MIB1: variants seen among roughly 807,000 people sequenced by gnomAD.
The protein encoded by MIB1 is MIB E3 ubiquitin protein ligase 1.
Under a neutral mutation model 124.5 loss-of-function variants are expected in MIB1, and 278 were observed. The ratio of observed to expected loss-of-function variants is 2.23; its 90% CI spans 2.02 to 2.47. The LOEUF is 2.47. Ranked by LOEUF, MIB1 falls within the 30% of genes most tolerant of loss-of-function variation. The probability of loss-of-function intolerance (pLI) is 0.00; values close to 1 mark genes in which losing one functional copy is unlikely to be tolerated. For missense variants in MIB1, 957 were observed against 1,254.4 expected (o/e 0.76, Z 3.58); for synonymous variants, 446 against 429.4 (o/e 1.04, Z -0.48).
chr18:21,821,857 T>A (rs2041882161), intron 12 of MIB1, among the ~76,000 whole-genome samples: 1 of 152,192 alleles, frequency 6.6e-6, no homozygotes, highest in African/African-American at 2.4e-5. Context: ...TGTCTCGGCC[T>A]CCCAAAGTGC....
intron 18 of MIB1, among the ~76,000 whole-genome samples, chr18:21,855,956 C>T (rs969320886): frequency 1.8e-4 from 27 of 152,150 alleles, no homozygotes; most frequent in Admixed American, 1.6e-3. Context: ...CAGGGCCGGG[C>T]GCGGTGGCTC....
At chr18:21,768,787 G>C in intron 3 of MIB1, 35 bp downstream of exon 3, 1 of 1,575,150 alleles carries the variant, frequency 6.3e-7, no homozygotes, top group Non-Finnish European at 8.6e-7. Flanking sequence ...ATGTATTCTA[G>C]AGTATTATAT....
At chr18:21,797,611 G>A (rs1270050466) in intron 7 of MIB1, among the ~76,000 whole-genome samples, 1 of 152,096 alleles carries the variant, frequency 6.6e-6, no homozygotes, top group East Asian at 1.9e-4. Flanking sequence ...GAAAGGAACT[G>A]GCAGAAATCA....
chr18:21,867,817 G>A lies in MIB1; in HGVS notation c.*3151G>A, dbSNP rs1294594813. ...TCTATGTGTTGCCCAATTGCTGTTT[G>A]TCCACTCTGAATTCTGGACCCTTTT... On this transcript the variant is annotated 3_prime_UTR_variant, in exon 21 of 21. Coordinates refer to ENST00000261537, the MANE Select transcript of MIB1 (RefSeq NM_020774.4). 3 of 152,468 alleles carry A rather than the reference G, an allele frequency of 2.0e-5. No individual in the cohort carries two copies. Among genetic ancestry groups the A allele is most frequent in the African/African-American group, 4.8e-5 (2 of 41,416 alleles). The allele number at this position is 152,468 out of a possible 1,614,324, so 9.4% of individuals were successfully genotyped here. A position where few individuals can be genotyped will look rare whatever the true frequency, so the allele number is the denominator to read the frequency against.
At chr18:21,778,453 A>C (rs2041318389) in intron 5 of MIB1, among the ~76,000 whole-genome samples, 3 of 152,176 alleles carry the variant, frequency 2.0e-5, no homozygotes, top group Non-Finnish European at 4.4e-5. Context: ...TTTGCATTAG[A>C]TTACAACAAT....
chr18:21,724,428 G>C (rs2146360066), intron 1 of MIB1, among the ~76,000 whole-genome samples: 1 of 151,964 alleles, frequency 6.6e-6, no homozygotes, highest in Non-Finnish European at 1.5e-5. Context: ...GAGTCAGCCG[G>C]GTGTGGTGGC....
At chr18:21,806,437 A>G (rs1168695778) in intron 10 of MIB1, among the ~76,000 whole-genome samples, 2 of 152,060 alleles carry the variant, frequency 1.3e-5, no homozygotes, top group East Asian at 3.9e-4. Context: ...CCTGGACTCA[A>G]GTGATCCTCC....
chr18:21,740,616 C>T (rs1852729506), upstream of MIB1, among the ~76,000 whole-genome samples: 6 of 152,248 alleles, frequency 3.9e-5, no homozygotes, highest in Admixed American at 3.9e-4. Flanking sequence ...CCCACCCTCA[C>T]TTTCTCCAGC....
intron 1 of MIB1, among the ~76,000 whole-genome samples, chr18:21,733,760 C>A (rs2040782813): frequency 6.6e-6 from 1 of 151,906 alleles, no homozygotes; most frequent in African/African-American, 2.4e-5. Flanking sequence ...GGCTGGAGTG[C>A]AATGGTGCAA....
Position 21,741,768 on chromosome 18 carries a change from GCTCCGGGGCTTACGAC to G in MIB1, c.191_206del (p.Gly64AlafsTer52). ...AACGGCACAGCTGCCAACTACCGCT[GCTCCGGGGCTTACGAC>G]CTCCGCATCCTGGACAGCGCGCCCA... On this transcript the variant is annotated frameshift_variant, in exon 1 of 21. Transcript: ENST00000261537. LOFTEE classifies it high-confidence loss of function. This position sits in a 1 kb window ranked among gnomAD's most constrained non-coding sequence, Gnocchi z 5.4. 1 of 1,609,674 alleles carries G rather than the reference GCTCCGGGGCTTACGAC, an allele frequency of 6.2e-7. No individual in the cohort carries two copies. The highest frequency in any genetic ancestry group is 8.5e-7 in the Non-Finnish European group (1 of 1,178,712).
intron 6 of MIB1, 122 bp from the exon 7 acceptor site, chr18:21,791,252 C>A: frequency 1.9e-5 from 12 of 640,458 alleles, no homozygotes; most frequent in East Asian, 6.2e-5. Flanking sequence ...TATAAATAAA[C>A]ACAAATCATT....
At position 21,741,513 on chromosome 18, in the gene MIB1, C is replaced by T. The variant is rs1441051885; in HGVS notation, c.-71C>T. On this transcript the variant is annotated 5_prime_UTR_variant, in exon 1 of 21. Coordinates refer to ENST00000261537, the MANE Select transcript of MIB1 (RefSeq NM_020774.4). The surrounding 1 kb of genome is among the most constrained non-coding windows in gnomAD (Gnocchi z 5.4). ...CCTAGAGTCCGGCCCGGGCCCAACT[C>T]CCTCACGGGCCCCCCGGCGGCAGCG... The T allele has an allele frequency of 8.5e-7, 1 of 1,171,084 alleles. No homozygotes were observed. Among genetic ancestry groups the T allele is most frequent in the Non-Finnish European group, 1.1e-6 (1 of 918,130 alleles). The allele number at this position is 1,171,084 out of a possible 1,614,324, so 72.5% of individuals were successfully genotyped here.
Position 21,843,452 on chromosome 18 carries a change from A to G in MIB1, c.2049+235A>G, listed in dbSNP as rs1335112723. Among the ~76,000 whole-genome samples the G allele has an allele frequency of 2.0e-5, 3 of 152,232 alleles. No individual in the cohort carries two copies. The South Asian group carries it at 6.2e-4, about 31-fold the overall frequency. ...TCTAAAGCTCTTCAGTAAGTATCGTAGAAGGGATTAGGAAAATTGTTAAAG... is the reference window on the plus strand; with the variant it reads ...TCTAAAGCTCTTCAGTAAGTATCGTGGAAGGGATTAGGAAAATTGTTAAAG... On this transcript the variant is annotated intron_variant, in intron 14 of 20. Coordinates refer to ENST00000261537, the MANE Select transcript of MIB1 (RefSeq NM_020774.4).
chr18:21,779,861 CGTGTGTGTGT>C (rs67233506), intron 6 of MIB1, among the ~76,000 whole-genome samples, 176 bp downstream of exon 6: 28 of 148,606 alleles, frequency 1.9e-4, no homozygotes, highest in East Asian at 1.2e-3. Context: ...ATAAGAATTA[CGTGTGTGTGT>C]GTGTGTGTGT....
intron 1 of MIB1, among the ~76,000 whole-genome samples, chr18:21,759,213 GTGTGTATATATA>G (rs972496549): frequency 1.9e-4 from 28 of 150,678 alleles, no homozygotes; most frequent in African/African-American, 6.1e-4. Context: ...CTATACATAT[GTGTGTATATATA>G]TGTGTATATA....
chr18:21,723,142 CA>C (rs2040722794), intron 1 of MIB1, among the ~76,000 whole-genome samples: 1 of 152,192 alleles, frequency 6.6e-6, no homozygotes, highest in African/African-American at 2.4e-5. Flanking sequence ...ATAGTTGGAT[CA>C]TAATCCAAAA....
chr18:21,831,989 G>A (rs2041988448), intron 12 of MIB1, among the ~76,000 whole-genome samples: 1 of 152,164 alleles, frequency 6.6e-6, no homozygotes, highest in South Asian at 2.1e-4. Flanking sequence ...TTTAGAGCTA[G>A]TTGTTGCCAT....
chr18:21,727,384 C>T (rs954650930), intron 1 of MIB1, among the ~76,000 whole-genome samples: 9 of 152,262 alleles, frequency 5.9e-5, no homozygotes, highest in Non-Finnish European at 8.8e-5. Flanking sequence ...CCGCCCACCT[C>T]GGCCTCCCAG....
chr18:21,792,426 A>T (rs1345150075), intron 7 of MIB1, among the ~76,000 whole-genome samples: 1 of 148,782 alleles, frequency 6.7e-6, no homozygotes, highest in East Asian at 2.0e-4. Context: ...TCCAGCCCCA[A>T]CTCCTGCCCC....
Sources: allele counts gnomAD v4.1 joint callset (sites outside exome capture counted in the v4.1 genomes callset), GRCh38; gene constraint gnomAD v4.1.1; non-coding constraint Gnocchi (gnomAD v3.1); transcripts MANE v1.5; gene names NCBI Gene and HGNC (gene_info 2026-07-23, HGNC 2026-07-21).